HECW1: variants seen among roughly 807,000 people sequenced by gnomAD.
HECW1 encodes E3 ubiquitin-protein ligase HECW1.
A neutral mutation model predicts 182.3 loss-of-function variants in HECW1; 61 were observed. The ratio of observed to expected loss-of-function variants is 0.33; its 90% confidence interval spans 0.27 to 0.41. The LOEUF (loss-of-function observed/expected upper bound fraction) is 0.41, where lower values mean the gene tolerates loss of function less well. Ranked by LOEUF, HECW1 falls within the 10% of genes least tolerant of loss-of-function variation. The pLI, the probability that HECW1 is intolerant of heterozygous loss-of-function variation, is 1.00. For synonymous variants in HECW1, 859 were observed against 832.6 expected (o/e 1.03, Z -0.55); for missense variants, 1,739 against 2,108.9 (o/e 0.82, Z 3.44).
At chr7:43,499,866 G>A (rs2152923496) in intron 19 of HECW1, among the ~76,000 whole-genome samples, 1 of 152,328 alleles carries the variant, frequency 6.6e-6, no homozygotes, top group South Asian at 2.1e-4. Context: ...TGCCGAGTTG[G>A]AGTTGGAGGT....
chr7:43,153,987 T>C (rs896108536), intron 2 of HECW1, among the ~76,000 whole-genome samples: 1 of 152,194 alleles, frequency 6.6e-6, no homozygotes, highest in African/African-American at 2.4e-5. Flanking sequence ...CAATTTCTCT[T>C]TGGAGATGTA....
intron 3 of HECW1, among the ~76,000 whole-genome samples, chr7:43,282,836 G>C (rs1804088592): frequency 1.3e-5 from 2 of 152,122 alleles, no homozygotes; most frequent in African/African-American, 4.8e-5. Flanking sequence ...TCCCAGTGTT[G>C]GCTGGGTGCG....
At position 43,488,402 on chromosome 7, in the gene HECW1, AT is replaced by A. The variant is rs1563045431; in HGVS notation, c.3235-3672del. Among the ~76,000 whole-genome samples, 110 of 102,632 alleles carry A rather than the reference AT, an allele frequency of 1.1e-3. 1 individual carries two copies. The highest frequency in any genetic ancestry group is 1.5e-3 in the African/African-American group (38 of 24,566). The allele number at this position is 102,632 out of a possible 152,430, so 67.3% of individuals were successfully genotyped here. A position where few individuals can be genotyped will look rare whatever the true frequency, so the allele number is the denominator to read the frequency against. ...AGGAAGGAAGGAAGGAAGGAAGGAA[AT>A]GAAAGAAAGAGAGAGAGAGAAAGAA... is the stretch of plus-strand genomic sequence containing the variant. On this transcript the variant is annotated intron_variant, in intron 17 of 29. Coordinates refer to ENST00000395891, the MANE Select transcript of HECW1 (RefSeq NM_015052.5).
At chr7:43,334,642 C>T (rs946804691) in intron 5 of HECW1, among the ~76,000 whole-genome samples, 2 of 152,074 alleles carry the variant, frequency 1.3e-5, no homozygotes, top group African/African-American at 2.4e-5. Context: ...AGTAAGCAGA[C>T]AAAAAGCAGA....
At chr7:43,440,010 C>T (rs117667731) in intron 9 of HECW1, 2,046 of 152,532 alleles carry the variant, frequency 0.013, 34 homozygotes, top group Non-Finnish European at 0.021. Flanking sequence ...GCAGCTCCTC[C>T]TCCAAAGCCT....
Position 43,444,177 on chromosome 7 carries a change from C to G in HECW1, c.1046-41C>G, listed in dbSNP as rs182571877. 1.1e-3 allele frequency: 1,701 copies of G among 1,556,178 alleles called. 19 individuals are homozygous for G. The South Asian group carries it at 0.011, about 10-fold the overall frequency. ...CAGGGTATCCTAACACCACAATGCT[C>G]TCTTCTGGGAGAAATGACATATTTT... On this transcript the variant is annotated intron_variant, in intron 10 of 29. Coordinates refer to ENST00000395891, the MANE Select transcript of HECW1 (RefSeq NM_015052.5). The surrounding 1 kb of genome is among the most constrained non-coding windows in gnomAD (Gnocchi z 4.3).
chr7:43,461,670 A>C (rs1037101710), intron 13 of HECW1, among the ~76,000 whole-genome samples: 35 of 152,174 alleles, frequency 2.3e-4, no homozygotes, highest in Admixed American at 5.2e-4. Context: ...ATCACTCTTC[A>C]TAACCTCCCA....
chr7:43,114,710 C>A (rs1385274981), intron 2 of HECW1, among the ~76,000 whole-genome samples: 1 of 150,680 alleles, frequency 6.6e-6, no homozygotes, highest in East Asian at 1.9e-4. Flanking sequence ...CAGTTGGCTG[C>A]TTTGTGGAAT....
chr7:43,436,495 T>A (rs371070618), intron 8 of HECW1, among the ~76,000 whole-genome samples: 17 of 152,110 alleles, frequency 1.1e-4, no homozygotes, highest in African/African-American at 3.9e-4. Context: ...GTGGGGCTGT[T>A]TTACAGGATT....
At chr7:43,131,527 T>G in intron 2 of HECW1, among the ~76,000 whole-genome samples, 1 of 152,296 alleles carries the variant, frequency 6.6e-6, no homozygotes, top group East Asian at 1.9e-4. Flanking sequence ...ATACAAATCA[T>G]TGACTGCATT....
chr7:43,383,578 C>T (rs975781178), intron 6 of HECW1, among the ~76,000 whole-genome samples: 5 of 152,254 alleles, frequency 3.3e-5, no homozygotes, highest in South Asian at 2.1e-4. Context: ...ACATAAATAC[C>T]TTCTTTTGAG....
intron 6 of HECW1, among the ~76,000 whole-genome samples, chr7:43,379,735 C>T (rs115096753): frequency 0.014 from 2,179 of 152,248 alleles, 57 homozygotes; most frequent in African/African-American, 0.05. Context: ...TCCCTCCCCC[C>T]ATTTAGATCG....
At chr7:43,169,285 G>C (rs982293846) in intron 2 of HECW1, among the ~76,000 whole-genome samples, 4 of 152,302 alleles carry the variant, frequency 2.6e-5, no homozygotes, top group Admixed American at 1.3e-4. Flanking sequence ...AAAGCCTAGA[G>C]CTGTGTTTCC....
intron 3 of HECW1, among the ~76,000 whole-genome samples, chr7:43,271,320 T>A (rs578051842): frequency 6.6e-6 from 1 of 152,208 alleles, no homozygotes; most frequent in East Asian, 1.9e-4. Context: ...AGGATACAAC[T>A]CTCACCTATT....
At chr7:43,329,000 G>A (rs1173443996) in intron 5 of HECW1, among the ~76,000 whole-genome samples, 4 of 152,144 alleles carry the variant, frequency 2.6e-5, no homozygotes, top group East Asian at 1.9e-4. Flanking sequence ...TGCAGGCTCC[G>A]TCCCTGCATG....
intron 8 of HECW1, among the ~76,000 whole-genome samples, chr7:43,426,274 G>T (rs1222362621): frequency 6.6e-6 from 1 of 152,030 alleles, no homozygotes; most frequent in African/African-American, 2.4e-5. Context: ...AAAATACATA[G>T]AATACGGCAA....
At chr7:43,256,948 T>C (rs562742382) in intron 3 of HECW1, among the ~76,000 whole-genome samples, 26 of 152,326 alleles carry the variant, frequency 1.7e-4, no homozygotes, top group Middle Eastern at 3.4e-3. Flanking sequence ...AGCTAAGCAT[T>C]TTAGAATATT....
intron 6 of HECW1, among the ~76,000 whole-genome samples, chr7:43,387,173 A>T (rs2074833566): frequency 6.6e-6 from 1 of 151,518 alleles, no homozygotes; most frequent in Non-Finnish European, 1.5e-5. Flanking sequence ...TCTCCCCACC[A>T]CCAATCCCAT....
chr7:43,403,794 G>T (rs568893872), intron 7 of HECW1, among the ~76,000 whole-genome samples: 28 of 152,220 alleles, frequency 1.8e-4, no homozygotes, highest in Middle Eastern at 6.8e-3. Context: ...TTTGGCAAAG[G>T]TTGCCACTGG....
Sources: gnomAD v4.1 joint callset for allele counts (sites outside exome capture counted in the v4.1 genomes callset) on GRCh38, gnomAD v4.1.1 for gene constraint, Gnocchi (gnomAD v3.1) non-coding constraint, MANE v1.5 for transcripts, NCBI Gene and HGNC (gene_info 2026-07-23, HGNC 2026-07-21) for gene names.